OR2AP1: variants seen among roughly 807,000 people sequenced by gnomAD.
OR2AP1 encodes olfactory receptor 2AP1.
In OR2AP1, 20 loss-of-function variants were observed where a neutral mutation model predicts 13.9. The observed-to-expected ratio is 1.44, with a 90% CI of 1.01 to 2.09. OR2AP1 has a LOEUF of 2.09. Ranked by LOEUF, OR2AP1 falls within the 30% of genes most tolerant of loss-of-function variation. The probability of loss-of-function intolerance (pLI) is 0.00; values close to 1 mark genes in which losing one functional copy is unlikely to be tolerated. For missense variants in OR2AP1, 490 were observed against 360.6 expected (o/e 1.36, Z -2.91); for synonymous variants, 174 against 137.0 (o/e 1.27, Z -1.89).
rs1032804386 is a variant in OR2AP1, at chr12:55,574,480, G to A, written c.66G>A (p.Gln22=). 4.6e-6 allele frequency: 7 copies of A among 1,536,170 alleles called. No homozygotes were observed. The African/African-American group carries it at 9.6e-5, about 21-fold the overall frequency. The change falls in exon 2 of 2, where the codon CAG becomes CAA. Residue 22 remains glutamine, a synonymous_variant. Coordinates refer to ENST00000641114, the MANE Select transcript of OR2AP1 (RefSeq NM_001258285.2). ...GTCTAACAGATGTCCCTGAACTCCA[G>A]GTGGCAGTTTTCACCTTTCTTTTCC... The part of the protein sequence containing the change: ...LLGLTDVPEL[Q]VAVFTFLFLA...
In OR2AP1 at chr12:55,574,670, G is replaced by C. The variant is rs1250996976; in HGVS notation, c.256G>C (p.Gly86Arg). 19 of 1,549,536 alleles carry C rather than the reference G, an allele frequency of 1.2e-5. No individual in the cohort carries two copies. Among genetic ancestry groups the C allele is most frequent in the Non-Finnish European group, 1.7e-5 (19 of 1,149,790 alleles). The change falls in exon 2 of 2, where the codon GGG (glycine) becomes CGG (arginine). Residue 86 changes from glycine (G) to arginine (R), a missense_variant. By Grantham distance (125) the Gly-to-Arg change is moderately radical. Coordinates refer to ENST00000641114, the MANE Select transcript of OR2AP1 (RefSeq NM_001258285.2). ...IPRVLISITT[G>R]NKSISFAGCF... ...AAGGGTCCTGATTAGCATCACAACA[G>C]GGAACAAGAGTATCAGCTTTGCTGG...
In OR2AP1 at chr12:55,574,797, T is replaced by G; in HGVS notation, c.383T>G (p.Leu128Arg). Residue 128 changes from leucine (L) to arginine (R), a missense_variant, in exon 2 of 2, where the codon CTG becomes CGG. Physicochemically the swap from Leu to Arg is moderately radical, Grantham distance 102 (BLOSUM62 -2). Transcript: ENST00000641114. The part of the protein sequence containing the change: ...YDRYVAICKP[L>R]HYTTIMSSRI... ...CGCTATGTGGCCATCTGCAAACCTC[T>G]GCATTACACCACCATCATGAGCAGC... 1 of 1,608,126 alleles carries G rather than the reference T, an allele frequency of 6.2e-7. No homozygotes were observed. The highest frequency in any genetic ancestry group is 1.1e-5 in the South Asian group (1 of 90,166).
chr12:55,574,534 T>A lies in OR2AP1; in HGVS notation c.120T>A (p.Asn40Lys). The A allele has an allele frequency of 6.5e-7, 1 of 1,538,770 alleles. No homozygotes were observed. ...FLAYLLSILGNLTILILTLLD... is the reference protein window; with the variant it reads ...FLAYLLSILGKLTILILTLLD... ...CGTATTTACTCAGCATCCTTGGAAA[T>A]CTGACTATCCTCATCCTCACCTTGC... is the stretch of plus-strand genomic sequence containing the variant. The change falls in exon 2 of 2, where the codon AAT becomes AAA. Residue 40 changes from asparagine to lysine, a missense_variant. Asn to Lys is a moderately conservative substitution (Grantham distance 94). Coordinates refer to ENST00000641114, the MANE Select transcript of OR2AP1 (RefSeq NM_001258285.2).
Position 55,574,756 on chromosome 12 carries a change from T to C in OR2AP1, c.342T>C (p.Ala114=), listed in dbSNP as rs767714432. The part of the protein sequence containing the change: ...FLGATEFYLL[A]AMSYDRYVAI... ...GGGCTACAGAGTTTTACCTTCTGGC[T>C]GCCATGTCCTATGACCGCTATGTGG... The change falls in exon 2 of 2, where the codon GCT becomes GCC. Residue 114 remains alanine (A), a synonymous_variant. Coordinates refer to ENST00000641114, the MANE Select transcript of OR2AP1 (RefSeq NM_001258285.2). 3.7e-6 allele frequency: 6 copies of C among 1,600,568 alleles called. No individual in the cohort carries two copies. The African/African-American group carries it at 8.0e-5, about 21-fold the overall frequency.
In OR2AP1 at chr12:55,575,281, C is replaced by T; in HGVS notation, c.867C>T (p.Thr289=). The change falls in exon 2 of 2, where the codon ACC becomes ACT. Residue 289 remains threonine, a synonymous_variant. Coordinates refer to ENST00000641114, the MANE Select transcript of OR2AP1 (RefSeq NM_001258285.2). ...CTTTGTTGAACCCCTTTATTTACAC[C>T]CTAAGGAACCAACAGGTAAAACAAC... ...VAPLLNPFIY[T]LRNQQVKQPF... 1.3e-6 allele frequency: 2 copies of T among 1,537,612 alleles called. No homozygotes were observed. Among genetic ancestry groups the T allele is most frequent in the Non-Finnish European group, 1.7e-6 (2 of 1,145,732 alleles).
At chr12:55,574,136 C>A (rs1018157100) in intron 1 of OR2AP1, 84 bp from the exon 2 acceptor site, 5 of 312,712 alleles carry the variant, frequency 1.6e-5, no homozygotes, top group Non-Finnish European at 2.9e-5. Context: ...TTTTGAATAT[C>A]ATTTATGAGG....
rs759701574 is a variant in OR2AP1, at chr12:55,574,878, T to C, written c.464T>C (p.Ile155Thr). 8 of 1,552,482 alleles carry C rather than the reference T, an allele frequency of 5.2e-6. No individual in the cohort carries two copies. In the African/African-American group the frequency reaches 6.8e-5, roughly 13 times the overall value. ...CSWLGGLMAIIPTITLMSQQD... is the reference protein window; with the variant it reads ...CSWLGGLMAITPTITLMSQQD... ...TGGCTGGGTGGGCTAATGGCTATTA[T>C]ACCAACAATCACCCTGATGAGTCAG... The change falls in exon 2 of 2, where the codon ATA (isoleucine) becomes ACA (threonine). Residue 155 changes from isoleucine (I) to threonine (T), a missense_variant. Transcript: ENST00000641114.
At position 55,575,496 on chromosome 12, in the gene OR2AP1, C is replaced by T. The variant is rs1402006137; in HGVS notation, c.*152C>T. The T allele has an allele frequency of 7.5e-6, 4 of 536,610 alleles. No homozygotes were observed. Among genetic ancestry groups the T allele is most frequent in the Non-Finnish European group, 1.3e-5 (4 of 301,750 alleles). The allele number at this position is 536,610 out of a possible 1,614,324, so 33.2% of individuals were successfully genotyped here. ...GCCATTAAAAATGATGAGTTGATGT[C>T]CTTTGTAGGGACATGGATGAAATTG... On this transcript the variant is annotated 3_prime_UTR_variant, in exon 2 of 2. Transcript: ENST00000641114.
Position 55,574,881 on chromosome 12 carries a change from C to G in OR2AP1, c.467C>G (p.Pro156Arg). ...SWLGGLMAII[P>R]TITLMSQQDF... ...CTGGGTGGGCTAATGGCTATTATACCAACAATCACCCTGATGAGTCAGCAG... is the reference window on the plus strand; with the variant it reads ...CTGGGTGGGCTAATGGCTATTATACGAACAATCACCCTGATGAGTCAGCAG... The change falls in exon 2 of 2, where the codon CCA (proline) becomes CGA (arginine). Residue 156 changes from proline (P) to arginine (R), a missense_variant. By Grantham distance (103) the Pro-to-Arg change is moderately radical (BLOSUM62 -2). Transcript: ENST00000641114. 1 of 1,550,374 alleles carries G rather than the reference C, an allele frequency of 6.5e-7. No individual in the cohort carries two copies. The highest frequency in any genetic ancestry group is 8.7e-7 in the Non-Finnish European group (1 of 1,150,574).
In OR2AP1 at chr12:55,575,453, A is replaced by G. The variant is rs1592346709; in HGVS notation, c.*109A>G. 2.0e-5 allele frequency: 12 copies of G among 612,670 alleles called. No individual in the cohort carries two copies. The South Asian group carries it at 2.5e-4, about 13-fold the overall frequency. 38.0% of individuals were successfully genotyped at this position (612,670 alleles called of 1,614,324 possible). ...GATTAAGAAAATATGGCACATATAC[A>G]CCATGGAATACTATGCAGCCATTAA... is the stretch of plus-strand genomic sequence containing the variant. On this transcript the variant is annotated 3_prime_UTR_variant, in exon 2 of 2. Transcript: ENST00000641114.
Position 55,574,856 on chromosome 12 carries a change from C to A in OR2AP1, c.442C>A (p.Leu148Met), listed in dbSNP as rs1592346242. ...ICIQLIFCSW[L>M]GGLMAIIPTI... is the part of the protein sequence containing the mutation. Reference sequence around the variant, plus strand: ...CATCCAGCTGATTTTCTGCTCTTGGCTGGGTGGGCTAATGGCTATTATACC... The same window carrying A: ...CATCCAGCTGATTTTCTGCTCTTGGATGGGTGGGCTAATGGCTATTATACC... Residue 148 changes from leucine to methionine, a missense_variant, in exon 2 of 2, where the codon CTG becomes ATG. Coordinates refer to ENST00000641114, the MANE Select transcript of OR2AP1 (RefSeq NM_001258285.2). The A allele has an allele frequency of 2.5e-6, 4 of 1,568,668 alleles. No homozygotes were observed. Among genetic ancestry groups the A allele is most frequent in the Non-Finnish European group, 3.5e-6 (4 of 1,157,642 alleles).
Position 55,575,444 on chromosome 12 carries a change from C to T in OR2AP1, c.*100C>T, listed in dbSNP as rs1874542940. On this transcript the variant is annotated 3_prime_UTR_variant, in exon 2 of 2. Transcript: ENST00000641114. The stretch of plus-strand genomic sequence containing the variant: ...GATAGACTGGATTAAGAAAATATGG[C>T]ACATATACACCATGGAATACTATGC... The T allele has an allele frequency of 1.6e-6, 1 of 636,884 alleles. No individual in the cohort carries two copies. The allele number at this position is 636,884 out of a possible 1,614,324, so 39.5% of individuals were successfully genotyped here.
At position 55,575,017 on chromosome 12, in the gene OR2AP1, A is replaced by T. The variant is rs1874524710; in HGVS notation, c.603A>T (p.Ala201=). Residue 201 remains alanine, a synonymous_variant, in exon 2 of 2, where the codon GCA becomes GCT. Coordinates refer to ENST00000641114, the MANE Select transcript of OR2AP1 (RefSeq NM_001258285.2). ...SLIEKVVFLV[A]SVTLVVTLVL... ...TAGAGAAGGTTGTCTTTCTTGTGGCATCTGTGACCCTGGTGGTCACTCTGG... is the reference window on the plus strand; with the variant it reads ...TAGAGAAGGTTGTCTTTCTTGTGGCTTCTGTGACCCTGGTGGTCACTCTGG... 5 of 1,538,058 alleles carry T rather than the reference A, an allele frequency of 3.3e-6. No individual in the cohort carries two copies. The East Asian group carries it at 1.2e-4, about 38-fold the overall frequency.
At position 55,574,372 on chromosome 12, in the gene OR2AP1, T is replaced by A; in HGVS notation, c.-43T>A. On this transcript the variant is annotated 5_prime_UTR_variant, in exon 2 of 2. Transcript: ENST00000641114. The stretch of plus-strand genomic sequence containing the variant: ...CACCTCTTCCTTTCTCACTTTTGAT[T>A]ACTACTCTCTTTTTCACTTTGAGAC... 9.8e-7 allele frequency: 1 copy of A among 1,023,522 alleles called. No individual in the cohort carries two copies. The highest frequency in any genetic ancestry group is 1.6e-5 in the South Asian group (1 of 61,526). 63.4% of individuals were successfully genotyped at this position (1,023,522 alleles called of 1,614,324 possible).
chr12:55,575,475 T>A lies in OR2AP1; in HGVS notation c.*131T>A. 1.7e-6 allele frequency: 1 copy of A among 575,946 alleles called. No individual in the cohort carries two copies. Among genetic ancestry groups the A allele is most frequent in the Non-Finnish European group, 3.1e-6 (1 of 326,378 alleles). The allele number at this position is 575,946 out of a possible 1,614,324, so 35.7% of individuals were successfully genotyped here. A position where few individuals can be genotyped will look rare whatever the true frequency, so the allele number is the denominator to read the frequency against. ...TACACCATGGAATACTATGCAGCCA[T>A]TAAAAATGATGAGTTGATGTCCTTT... On this transcript the variant is annotated 3_prime_UTR_variant, in exon 2 of 2. Transcript: ENST00000641114.
chr12:55,572,717 C>T (rs559977191), intron 1 of OR2AP1, 95 bp downstream of exon 1: 4 of 151,990 alleles, frequency 2.6e-5, no homozygotes, highest in Admixed American at 6.6e-5. Flanking sequence ...TTCTCTGGAC[C>T]CTCTTCTCTC....
In OR2AP1 at chr12:55,575,432, A is replaced by C. The variant is rs1193746584; in HGVS notation, c.*88A>C. On this transcript the variant is annotated 3_prime_UTR_variant, in exon 2 of 2. Transcript: ENST00000641114. The stretch of plus-strand genomic sequence containing the variant: ...ATGTCCAACAATGATAGACTGGATT[A>C]AGAAAATATGGCACATATACACCAT... 9 of 699,856 alleles carry C rather than the reference A, an allele frequency of 1.3e-5. No homozygotes were observed. The highest frequency in any genetic ancestry group is 1.9e-5 in the Non-Finnish European group (8 of 427,992). 43.4% of individuals were successfully genotyped at this position (699,856 alleles called of 1,614,324 possible).
Position 55,574,671 on chromosome 12 carries a change from G to A in OR2AP1, c.257G>A (p.Gly86Glu), listed in dbSNP as rs761988263. ...IPRVLISITT[G>E]NKSISFAGCF... Reference sequence around the variant, plus strand: ...AGGGTCCTGATTAGCATCACAACAGGGAACAAGAGTATCAGCTTTGCTGGC... The same window carrying A: ...AGGGTCCTGATTAGCATCACAACAGAGAACAAGAGTATCAGCTTTGCTGGC... The change falls in exon 2 of 2, where the codon GGG becomes GAG. Residue 86 changes from glycine to glutamate, a missense_variant. By Grantham distance (98) the Gly-to-Glu change is moderately conservative (BLOSUM62 -2). Transcript: ENST00000641114. 2.5e-5 allele frequency: 39 copies of A among 1,549,622 alleles called. No individual in the cohort carries two copies. Among genetic ancestry groups the A allele is most frequent in the Non-Finnish European group, 3.2e-5 (37 of 1,149,854 alleles).
Position 55,575,396 on chromosome 12 carries a change from A to T in OR2AP1, c.*52A>T, listed in dbSNP as rs1324703889. 11 of 1,013,076 alleles carry T rather than the reference A, an allele frequency of 1.1e-5. No individual in the cohort carries two copies. The highest frequency in any genetic ancestry group is 1.6e-5 in the Non-Finnish European group (11 of 707,270). The allele number at this position is 1,013,076 out of a possible 1,614,324, so 62.8% of individuals were successfully genotyped here. The stretch of plus-strand genomic sequence containing the variant: ...ATTATTCACAATAGCAAAGACTTGG[A>T]ACCAACCCAAATGTCCAACAATGAT... On this transcript the variant is annotated 3_prime_UTR_variant, in exon 2 of 2. Coordinates refer to ENST00000641114, the MANE Select transcript of OR2AP1 (RefSeq NM_001258285.2).
Sources: gnomAD v4.1 joint callset for allele counts on GRCh38, gnomAD v4.1.1 for gene constraint, MANE v1.5 for transcripts, NCBI Gene and HGNC (gene_info 2026-07-23, HGNC 2026-07-21) for gene names.